MYO3A: variants seen among roughly 807,000 people sequenced by gnomAD.
MYO3A encodes myosin IIIA, also known as myosin-IIIa.
MYO3A carries 180 observed loss-of-function variants against 192.7 expected under a neutral mutation model. The observed-to-expected ratio is 0.93, with a 90% CI of 0.83 to 1.06. The LOEUF (loss-of-function observed/expected upper bound fraction) is 1.06. Ranked by LOEUF, MYO3A falls within the 50% of genes least tolerant of loss-of-function variation. MYO3A has a pLI of 0.00. For synonymous variants in MYO3A, 628 were observed against 645.3 expected, an observed-to-expected ratio of 0.97 and a Z score of 0.41; for missense variants, 1,896 against 1,905.0, an observed-to-expected ratio of 1.00 and a Z score of 0.09.
At chr10:26,129,643 T>C (rs1839420609) in intron 20 of MYO3A, among the ~76,000 whole-genome samples, 1 of 152,210 alleles carries the variant, frequency 6.6e-6, no homozygotes, top group African/African-American at 2.4e-5. Context: ...TCTGGTACTT[T>C]GAGGCGTATC....
At chr10:25,979,070 T>A (rs1359064040) in intron 4 of MYO3A, among the ~76,000 whole-genome samples, 1 of 152,228 alleles carries the variant, frequency 6.6e-6, no homozygotes, top group East Asian at 1.9e-4. Flanking sequence ...GGTATTCATG[T>A]CTTTCACCTC....
chr10:26,086,109 T>A (rs1836288325), intron 14 of MYO3A, among the ~76,000 whole-genome samples: 1 of 152,062 alleles, frequency 6.6e-6, no homozygotes, highest in African/African-American at 2.4e-5. Context: ...GGGTAATTTA[T>A]AAAGAAAAGA....
At chr10:26,173,391 T>G (rs555165725) in intron 29 of MYO3A, among the ~76,000 whole-genome samples, 1 of 152,342 alleles carries the variant, frequency 6.6e-6, no homozygotes, top group South Asian at 2.1e-4. Context: ...TTTTGATATC[T>G]CATTAAATGA....
chr10:25,998,984 G>A (rs1471309229), intron 6 of MYO3A, among the ~76,000 whole-genome samples: 1 of 152,078 alleles, frequency 6.6e-6, no homozygotes, highest in Non-Finnish European at 1.5e-5. Context: ...TGCAAGCTCT[G>A]CCTCCTGGGT....
At chr10:25,976,042 A>G (rs1838946559) in intron 4 of MYO3A, among the ~76,000 whole-genome samples, 1 of 152,222 alleles carries the variant, frequency 6.6e-6, no homozygotes, top group Non-Finnish European at 1.5e-5. Flanking sequence ...TAAAACCACA[A>G]TGAAATGCAA....
chr10:26,160,669 TAAG>T (rs940636988), intron 26 of MYO3A, among the ~76,000 whole-genome samples: 5 of 151,760 alleles, frequency 3.3e-5, no homozygotes, highest in African/African-American at 9.7e-5. Context: ...AATAAAAAAA[TAAG>T]AAGAAGGACT....
intron 4 of MYO3A, among the ~76,000 whole-genome samples, chr10:25,994,240 T>C (rs1477278698): frequency 1.3e-5 from 2 of 149,432 alleles, no homozygotes; most frequent in Non-Finnish European, 2.9e-5. Context: ...GCTCTTCTTG[T>C]TGAATTGATC....
chr10:26,110,376 A>G (rs957980706), intron 17 of MYO3A, among the ~76,000 whole-genome samples: 2 of 152,180 alleles, frequency 1.3e-5, no homozygotes, highest in African/African-American at 2.4e-5. Flanking sequence ...CCATTGTTTA[A>G]TGCATTTTCT....
intron 14 of MYO3A, among the ~76,000 whole-genome samples, chr10:26,087,332 C>T (rs1212540874): frequency 6.6e-6 from 1 of 152,200 alleles, no homozygotes; most frequent in African/African-American, 2.4e-5. Flanking sequence ...CCCCCTCCAA[C>T]CCACTCAAAT....
intron 4 of MYO3A, among the ~76,000 whole-genome samples, chr10:25,969,314 C>G (rs970136389): frequency 3.9e-5 from 6 of 152,182 alleles, no homozygotes; most frequent in African/African-American, 1.4e-4. Context: ...TAGTTATCAT[C>G]TCTTACTGTA....
At chr10:25,940,176 G>A (rs569207767) in intron 2 of MYO3A, among the ~76,000 whole-genome samples, 1 of 151,792 alleles carries the variant, frequency 6.6e-6, no homozygotes, top group Non-Finnish European at 1.5e-5. Flanking sequence ...AATTATTGTG[G>A]TTACTGGTAT....
At chr10:26,051,547 A>G (rs867132847) in intron 10 of MYO3A, among the ~76,000 whole-genome samples, 2 of 148,058 alleles carry the variant, frequency 1.4e-5, no homozygotes, top group Admixed American at 6.8e-5. Flanking sequence ...ATACATATAT[A>G]TATTATATAC....
intron 10 of MYO3A, among the ~76,000 whole-genome samples, chr10:26,035,654 A>T (rs563882471): frequency 3.1e-4 from 47 of 152,284 alleles, no homozygotes; most frequent in African/African-American, 1.1e-3. Flanking sequence ...ATCCCAGAGA[A>T]ATTGAATCCT....
chr10:26,099,965 G>A (rs902888249), intron 17 of MYO3A, among the ~76,000 whole-genome samples: 1 of 152,140 alleles, frequency 6.6e-6, no homozygotes, highest in Admixed American at 6.5e-5. Flanking sequence ...TCTATTGATA[G>A]GAATAATTTC....
intron 15 of MYO3A, among the ~76,000 whole-genome samples, chr10:26,094,420 C>CTTTTT (rs965507109): frequency 5.4e-4 from 55 of 101,302 alleles, no homozygotes; most frequent in Non-Finnish European, 6.5e-4. Context: ...TGAATAATTT[C>CTTTTT]TTTTTTTTTT....
rs546263057 is a variant in MYO3A, at chr10:25,993,708, T to C, written c.304-2782T>C. The stretch of plus-strand genomic sequence containing the variant: ...AATGTGTCCCAGAGATTCTGGTATG[T>C]TGTGTCTTCATTCTCATTGCTTTCA... On this transcript the variant is annotated intron_variant, in intron 4 of 34. Transcript: ENST00000642920. Among the ~76,000 whole-genome samples, 139 of 152,346 alleles carry C rather than the reference T, an allele frequency of 9.1e-4. 2 individuals are homozygous for C. In the Middle Eastern group the frequency reaches 0.037, roughly 41 times the overall value.
intron 4 of MYO3A, among the ~76,000 whole-genome samples, chr10:25,963,713 TAA>T (rs769407929): frequency 2.6e-5 from 4 of 152,204 alleles, no homozygotes; most frequent in Non-Finnish European, 5.9e-5. Flanking sequence ...ACCTCTCATG[TAA>T]AAGGCTATTA....
At chr10:25,969,516 A>G (rs766923690) in intron 4 of MYO3A, among the ~76,000 whole-genome samples, 2 of 152,188 alleles carry the variant, frequency 1.3e-5, no homozygotes, top group Non-Finnish European at 2.9e-5. Context: ...TTTAATGTAG[A>G]TAGTGATAAG....
chr10:26,201,837 A>G (rs1401989953), intron 33 of MYO3A, among the ~76,000 whole-genome samples: 1 of 152,212 alleles, frequency 6.6e-6, no homozygotes, highest in Non-Finnish European at 1.5e-5. Context: ...TAGCACTAAG[A>G]ACTTAAATAT....
Sources: allele counts gnomAD v4.1 joint callset (sites outside exome capture counted in the v4.1 genomes callset), GRCh38; gene constraint gnomAD v4.1.1; transcripts MANE v1.5; gene names NCBI Gene and HGNC (gene_info 2026-07-23, HGNC 2026-07-21).